Variants in TRDN observed in about 807,000 individuals in gnomAD.
The protein encoded by TRDN is triadin.
TRDN carries 161 observed loss-of-function variants against 149.7 expected under a neutral mutation model. The observed-to-expected ratio is 1.08, with a 90% CI of 0.95 to 1.23. The LOEUF is 1.23. TRDN is among the 50% of genes most tolerant of loss of function. The pLI, the probability that TRDN is intolerant of heterozygous loss-of-function variation, is 0.00. For synonymous variants in TRDN, 294 were observed against 250.5 expected (o/e 1.17, Z -1.64); for missense variants, 896 against 823.5 (o/e 1.09, Z -1.08).
At position 123,492,291 on chromosome 6, in the gene TRDN, A is replaced by G. The variant is rs144671525; in HGVS notation, c.853+4902T>C. ...TTCTAAGGGATAAACTTTAACTTGT[A>G]TTAAACTTTAATCATAATAGTTACA... On this transcript the variant is annotated intron_variant, in intron 9 of 40. Transcript: ENST00000334268. Among the ~76,000 whole-genome samples, 520 of 152,312 alleles carry G rather than the reference A, an allele frequency of 3.4e-3. 2 individuals are homozygous for G. The highest frequency in any genetic ancestry group is 0.012 in the African/African-American group (500 of 41,584).
Position 123,548,551 on chromosome 6 carries a change from T to C in TRDN, c.294A>G (p.Glu98=). Residue 98 remains glutamate, a synonymous_variant, in exon 3 of 41, where the codon GAA becomes GAG. Coordinates refer to ENST00000334268, the MANE Select transcript of TRDN (RefSeq NM_006073.4). ...PLKLVRDAME[E]TTDWIYGFFS... is the part of the protein sequence containing the mutation. ...AGAAGCCATAGATCCAGTCCGTGGT[T>C]TCCTCCATAGCATCACGTACCAGTT... 1 of 1,576,120 alleles carries C rather than the reference T, an allele frequency of 6.3e-7. No homozygotes were observed. Among genetic ancestry groups the C allele is most frequent in the Non-Finnish European group, 8.6e-7 (1 of 1,159,528 alleles).
intron 24 of TRDN, among the ~76,000 whole-genome samples, chr6:123,305,252 G>C (rs550048904): frequency 6.6e-6 from 1 of 152,054 alleles, no homozygotes; most frequent in Non-Finnish European, 1.5e-5. Context: ...AAATTCTAAA[G>C]TCTGCCTTGG....
At chr6:123,371,743 C>A (rs1467001555) in intron 19 of TRDN, among the ~76,000 whole-genome samples, 33 of 152,036 alleles carry the variant, frequency 2.2e-4, no homozygotes, top group Admixed American at 2.2e-3. Context: ...ACTCAGGACA[C>A]CAACCTCATC....
chr6:123,285,945 A>G (rs1026987140), intron 24 of TRDN, among the ~76,000 whole-genome samples: 1 of 152,170 alleles, frequency 6.6e-6, no homozygotes, highest in East Asian at 1.9e-4. Context: ...ACTAATAATC[A>G]GGGAAACACA....
chr6:123,548,498 G>T lies in TRDN; in HGVS notation c.347C>A (p.Ser116Tyr). The stretch of plus-strand genomic sequence containing the variant: ...ACCATCATCATCTTCTTCATCTTCA[G>T]ATGAGATGATGTCAGATAACAAAGA... The part of the protein sequence containing the change: ...FFSLLSDIIS[S>Y]EDEEDDDGDE... Residue 116 changes from serine (S) to tyrosine (Y), a missense_variant, in exon 3 of 41, where the codon TCT (serine) becomes TAT (tyrosine). By Grantham distance (144) the Ser-to-Tyr change is moderately radical. Coordinates refer to ENST00000334268, the MANE Select transcript of TRDN (RefSeq NM_006073.4). The T allele has an allele frequency of 1.3e-6, 2 of 1,576,922 alleles. No homozygotes were observed. The highest frequency in any genetic ancestry group is 1.7e-6 in the Non-Finnish European group (2 of 1,160,820).
chr6:123,310,065 G>T (rs909008022), intron 24 of TRDN, among the ~76,000 whole-genome samples: 1 of 151,982 alleles, frequency 6.6e-6, no homozygotes, highest in Non-Finnish European at 1.5e-5. Flanking sequence ...AAGTTTTGTG[G>T]GTAGCTGCTT....
chr6:123,513,528 C>G (rs776142170), intron 6 of TRDN, among the ~76,000 whole-genome samples: 3 of 151,866 alleles, frequency 2.0e-5, no homozygotes, highest in Non-Finnish European at 4.4e-5. Flanking sequence ...TCAGAATACA[C>G]AGAGCCTAGT....
chr6:123,444,629 C>A (rs1266146375), intron 10 of TRDN, among the ~76,000 whole-genome samples: 23 of 150,918 alleles, frequency 1.5e-4, no homozygotes, highest in African/African-American at 5.6e-4. Flanking sequence ...CCAGTTTTTG[C>A]CCATTCAGTA....
intron 23 of TRDN, among the ~76,000 whole-genome samples, chr6:123,325,563 T>C (rs913116602): frequency 1.3e-5 from 2 of 152,118 alleles, no homozygotes; most frequent in African/African-American, 4.8e-5. Flanking sequence ...AATATATAGA[T>C]TAATTGAATC....
intron 1 of TRDN, among the ~76,000 whole-genome samples, chr6:123,631,767 A>G (rs887922361): frequency 2.0e-5 from 3 of 152,014 alleles, no homozygotes; most frequent in Non-Finnish European, 2.9e-5. Context: ...AGACAATATT[A>G]TAATGAAACT....
At chr6:123,274,374 A>G (rs140883332) in intron 27 of TRDN, among the ~76,000 whole-genome samples, 14 of 152,288 alleles carry the variant, frequency 9.2e-5, no homozygotes, top group African/African-American at 2.9e-4. Flanking sequence ...TATTAATTTC[A>G]TAAAAACCTT....
chr6:123,259,278 A>G (rs562395108), intron 35 of TRDN, among the ~76,000 whole-genome samples: 3 of 151,824 alleles, frequency 2.0e-5, no homozygotes, highest in Non-Finnish European at 4.4e-5. Flanking sequence ...TCAGAGTAAT[A>G]TATTTATTAA....
intron 10 of TRDN, among the ~76,000 whole-genome samples, chr6:123,459,172 G>A (rs1391255023): frequency 6.6e-6 from 1 of 152,124 alleles, no homozygotes; most frequent in African/African-American, 2.4e-5. Flanking sequence ...TACCACTTAT[G>A]TGGATCAAGC....
chr6:123,493,230 A>T (rs966290871), intron 9 of TRDN, among the ~76,000 whole-genome samples: 1 of 152,166 alleles, frequency 6.6e-6, no homozygotes, highest in Non-Finnish European at 1.5e-5. Context: ...ATATAGAGTA[A>T]GTCAGTACAA....
In TRDN at chr6:123,423,169, A is replaced by G. The variant is rs577877553; in HGVS notation, c.1051+14894T>C. 1.1e-4 allele frequency among the ~76,000 whole-genome samples: 17 copies of G among 152,288 alleles called. No individual in the cohort carries two copies. The South Asian group carries it at 3.5e-3, about 32-fold the overall frequency. ...CATCTTTTCACATTAAACATTTTAA[A>G]AAACAGAAGTTAAAGCTCAGAATAA... On this transcript the variant is annotated intron_variant, in intron 12 of 40. Coordinates refer to ENST00000334268, the MANE Select transcript of TRDN (RefSeq NM_006073.4).
intron 10 of TRDN, among the ~76,000 whole-genome samples, chr6:123,452,356 T>G (rs2114658613): frequency 6.6e-6 from 1 of 152,138 alleles, no homozygotes; most frequent in East Asian, 1.9e-4. Context: ...ACCTAAAGAC[T>G]CCTCTAGAAA....
At chr6:123,238,917 T>G (rs1775886216) in intron 38 of TRDN, among the ~76,000 whole-genome samples, 1 of 152,188 alleles carries the variant, frequency 6.6e-6, no homozygotes, top group South Asian at 2.1e-4. Context: ...CTCTGCTCAC[T>G]GCAAACTCCA....
intron 1 of TRDN, among the ~76,000 whole-genome samples, chr6:123,635,068 T>G (rs1410929766): frequency 6.6e-6 from 1 of 151,950 alleles, no homozygotes; most frequent in East Asian, 1.9e-4. Context: ...TTTAGTCAAC[T>G]GACCTCCTGA....
chr6:123,258,398 G>A (rs1776638363), intron 35 of TRDN, among the ~76,000 whole-genome samples: 1 of 152,066 alleles, frequency 6.6e-6, no homozygotes, highest in African/African-American at 2.4e-5. Context: ...ATAATCATGT[G>A]TTTTTTGTCA....
Sources: allele counts gnomAD v4.1 joint callset (sites outside exome capture counted in the v4.1 genomes callset), GRCh38; gene constraint gnomAD v4.1.1; transcripts MANE v1.5; gene names NCBI Gene and HGNC (gene_info 2026-07-23, HGNC 2026-07-21).